The following ZNF532 variants were observed in gnomAD, a reference collection of about 807,000 sequenced individuals.
ZNF532 encodes zinc finger protein 532.
Under a neutral mutation model 89.3 loss-of-function variants are expected in ZNF532, and 22 were observed. The observed-to-expected ratio is 0.25, with a 90% CI of 0.18 to 0.35. ZNF532 has a LOEUF of 0.35. Among genes scored for constraint, ZNF532 ranks in the 10% least tolerant of loss-of-function variants. The pLI, the probability that ZNF532 is intolerant of heterozygous loss-of-function variation, is 1.00. For synonymous variants in ZNF532, 606 were observed against 649.6 expected, an observed-to-expected ratio of 0.93 and a Z score of 1.02; for missense variants, 1,132 against 1,643.4, an observed-to-expected ratio of 0.69 and a Z score of 5.38.
At chr18:58,967,968 C>T (rs887717346) in intron 7 of ZNF532, among the ~76,000 whole-genome samples, 1 of 152,190 alleles carries the variant, frequency 6.6e-6, no homozygotes, top group African/African-American at 2.4e-5. Flanking sequence ...ACATGAAGTA[C>T]AGCACATATG....
chr18:58,926,481 G>A (rs1044661204), intron 3 of ZNF532, among the ~76,000 whole-genome samples: 1 of 152,144 alleles, frequency 6.6e-6, no homozygotes, highest in Non-Finnish European at 1.5e-5. Flanking sequence ...GGGATTACAG[G>A]CATGCGCCAC....
intron 2 of ZNF532, among the ~76,000 whole-genome samples, chr18:58,876,169 C>T (rs1172592454): frequency 3.3e-5 from 5 of 152,144 alleles, no homozygotes; most frequent in East Asian, 1.9e-4. Flanking sequence ...CTCCTGACCT[C>T]GTGATCCGCC....
At chr18:58,878,034 C>G (rs184530625) in intron 2 of ZNF532, among the ~76,000 whole-genome samples, 2 of 152,162 alleles carry the variant, frequency 1.3e-5, no homozygotes, top group Admixed American at 6.5e-5. Context: ...GTGGGCAGAT[C>G]AATAGAGGTC....
At chr18:58,898,971 T>C (rs1285209246) in intron 2 of ZNF532, among the ~76,000 whole-genome samples, 1 of 152,256 alleles carries the variant, frequency 6.6e-6, no homozygotes, top group African/African-American at 2.4e-5. Flanking sequence ...AGTCTCTGGC[T>C]TTCAGCGCTG....
At chr18:58,890,683 AAT>A (rs2058833387) in intron 2 of ZNF532, among the ~76,000 whole-genome samples, 1 of 151,348 alleles carries the variant, frequency 6.6e-6, no homozygotes. Flanking sequence ...CAGTCACTGT[AAT>A]ATGACTGTAT....
At chr18:58,955,868 C>T (rs1017366312) in intron 7 of ZNF532, among the ~76,000 whole-genome samples, 13 of 152,142 alleles carry the variant, frequency 8.5e-5, no homozygotes, top group East Asian at 5.8e-4. Context: ...CAATAATCTA[C>T]GGTATAAGTA....
At chr18:58,872,276 C>T (rs771330647) in intron 2 of ZNF532, among the ~76,000 whole-genome samples, 6 of 152,098 alleles carry the variant, frequency 3.9e-5, no homozygotes, top group South Asian at 2.1e-4. Flanking sequence ...TTGAGTGATC[C>T]GTAGAGACCT....
chr18:58,916,383 T>C (rs1451485895), intron 2 of ZNF532, among the ~76,000 whole-genome samples: 4 of 152,248 alleles, frequency 2.6e-5, no homozygotes, highest in Non-Finnish European at 4.4e-5. Context: ...TGAATCTGAC[T>C]TCTCATAGAT....
chr18:58,942,515 C>T (rs1033079986), intron 5 of ZNF532, among the ~76,000 whole-genome samples: 8 of 151,932 alleles, frequency 5.3e-5, no homozygotes, highest in Admixed American at 2.0e-4. Flanking sequence ...ATAAGTTAAT[C>T]GCATGGATTC....
chr18:58,889,535 C>G (rs998028841), intron 2 of ZNF532, among the ~76,000 whole-genome samples: 4 of 152,116 alleles, frequency 2.6e-5, no homozygotes, highest in African/African-American at 9.7e-5. Context: ...TGTGGTGGCT[C>G]ATGCCTGTAA....
intron 3 of ZNF532, among the ~76,000 whole-genome samples, chr18:58,927,106 A>T (rs898872902): frequency 5.9e-5 from 9 of 152,176 alleles, no homozygotes; most frequent in Admixed American, 3.9e-4. Flanking sequence ...CTTTGGTAGA[A>T]TTCTCCAATG....
At chr18:58,871,169 T>TG (rs747076183) in intron 2 of ZNF532, among the ~76,000 whole-genome samples, 8 of 152,078 alleles carry the variant, frequency 5.3e-5, no homozygotes, top group Non-Finnish European at 8.8e-5. Flanking sequence ...AGGTAGAAAA[T>TG]GTAGCTAAAA....
intron 4 of ZNF532, among the ~76,000 whole-genome samples, 199 bp from the exon 5 acceptor site, chr18:58,939,246 C>CAAAAAAAAAAAAAAA (rs71336307): frequency 1.1e-3 from 37 of 34,506 alleles, no homozygotes; most frequent in Admixed American, 1.9e-3. Flanking sequence ...GACGTTGTCT[C>CAAAAAAAAAAAAAAA]AAAAAAAAAA....
At chr18:58,956,752 C>T (rs758753573) in intron 7 of ZNF532, among the ~76,000 whole-genome samples, 6 of 152,164 alleles carry the variant, frequency 3.9e-5, no homozygotes, top group Non-Finnish European at 7.3e-5. Context: ...TACCTCCACT[C>T]ACCCCACAGC....
At chr18:58,904,308 C>G (rs182924420) in intron 2 of ZNF532, among the ~76,000 whole-genome samples, 3 of 150,996 alleles carry the variant, frequency 2.0e-5, no homozygotes, top group Non-Finnish European at 4.4e-5. Context: ...GCCGAGATCA[C>G]GCCACTGCAT....
At chr18:58,883,240 A>T (rs1048549880) in intron 2 of ZNF532, among the ~76,000 whole-genome samples, 2 of 152,158 alleles carry the variant, frequency 1.3e-5, no homozygotes, top group Non-Finnish European at 2.9e-5. Flanking sequence ...AAATGAATTG[A>T]TTTTTAAAGT....
chr18:58,960,351 A>G (rs2065230262), intron 7 of ZNF532, among the ~76,000 whole-genome samples: 1 of 152,176 alleles, frequency 6.6e-6, no homozygotes, highest in Non-Finnish European at 1.5e-5. Flanking sequence ...TACTGGGCCA[A>G]TTTTCCATCT....
At chr18:58,887,368 T>G (rs2058378747) in intron 2 of ZNF532, among the ~76,000 whole-genome samples, 1 of 152,228 alleles carries the variant, frequency 6.6e-6, no homozygotes, top group Admixed American at 6.5e-5. Context: ...TTTGGAGGCT[T>G]TATATATTCA....
chr18:58,888,713 A>ATT (rs1325466287), intron 2 of ZNF532, among the ~76,000 whole-genome samples: 2,328 of 17,632 alleles, frequency 0.13, 327 homozygotes, highest in East Asian at 0.48. Flanking sequence ...ATATATATAT[A>ATT]TATATATATA....
Sources: allele counts gnomAD v4.1 joint callset (sites outside exome capture counted in the v4.1 genomes callset), GRCh38; gene constraint gnomAD v4.1.1; transcripts MANE v1.5; gene names NCBI Gene and HGNC (gene_info 2026-07-23, HGNC 2026-07-21).